PRELID2: variants seen among roughly 807,000 people sequenced by gnomAD.
PRELID2 encodes PRELI domain containing 2.
PRELID2 carries 25 observed loss-of-function variants against 28.4 expected under a neutral mutation model. That is an observed-to-expected ratio of 0.88 (90% confidence interval 0.64 to 1.23). PRELID2 has a LOEUF of 1.23. Among genes scored for constraint, PRELID2 ranks in the 50% most tolerant of loss-of-function variants. The probability of loss-of-function intolerance (pLI) is 0.00; values close to 1 mark genes in which losing one functional copy is unlikely to be tolerated. For synonymous variants in PRELID2, 76 were observed against 71.6 expected, an observed-to-expected ratio of 1.06 and a Z score of -0.31; for missense variants, 201 against 214.4, an observed-to-expected ratio of 0.94 and a Z score of 0.39.
intron 1 of PRELID2, among the ~76,000 whole-genome samples, chr5:145,703,081 T>C (rs1215526527): frequency 6.6e-6 from 1 of 152,228 alleles, no homozygotes; most frequent in Non-Finnish European, 1.5e-5. Flanking sequence ...CACCATTTAC[T>C]GGTCTGTGCA....
At chr5:145,282,286 T>C in the PRELID2 span, among the ~76,000 whole-genome samples, 1 of 152,172 alleles carries the variant, frequency 6.6e-6, no homozygotes, top group Non-Finnish European at 1.5e-5. Context: ...CTCCAGGGTT[T>C]GCTTACTGTA....
chr5:145,652,188 A>G (rs1202280201), intron 1 of PRELID2, among the ~76,000 whole-genome samples: 1 of 152,176 alleles, frequency 6.6e-6, no homozygotes, highest in African/African-American at 2.4e-5. Flanking sequence ...ATTAAGCAAG[A>G]AGAGAAGTTT....
the PRELID2 span, among the ~76,000 whole-genome samples, chr5:145,423,218 A>T: frequency 6.7e-6 from 1 of 150,288 alleles, no homozygotes; most frequent in Admixed American, 6.7e-5. Context: ...TGTGTCTTGG[A>T]GTTGCTCTTC....
At chr5:145,687,005 A>G (rs897272963) in intron 1 of PRELID2, among the ~76,000 whole-genome samples, 1 of 152,192 alleles carries the variant, frequency 6.6e-6, no homozygotes, top group African/African-American at 2.4e-5. Context: ...ACAAATTGTC[A>G]TCTAGAGAGA....
At chr5:145,286,716 G>GTTTTTTTTTTTTTTT in the PRELID2 span, among the ~76,000 whole-genome samples, 1 of 63,072 alleles carries the variant, frequency 1.6e-5, no homozygotes, top group African/African-American at 7.7e-5. Context: ...TTTTTTGTTT[G>GTTTTTTTTTTTTTTT]TTTGTTTGTT....
intron 1 of PRELID2, among the ~76,000 whole-genome samples, chr5:145,548,516 C>G (rs944019620): frequency 6.6e-6 from 1 of 152,142 alleles, no homozygotes; most frequent in Admixed American, 6.5e-5. Flanking sequence ...CTCATTGCCC[C>G]CAGTTTCAAC....
chr5:145,342,590 A>T, the PRELID2 span, among the ~76,000 whole-genome samples: 23 of 152,212 alleles, frequency 1.5e-4, no homozygotes, highest in Admixed American at 1.4e-3. Context: ...ATGCTGCTTG[A>T]TATCTCACCA....
chr5:145,459,885 C>A, the PRELID2 span, among the ~76,000 whole-genome samples: 1 of 151,268 alleles, frequency 6.6e-6, no homozygotes, highest in Non-Finnish European at 1.5e-5. Context: ...TCTTGGCTCA[C>A]CACAACCTCC....
chr5:145,780,769 T>C (rs7725181), intron 5 of PRELID2, among the ~76,000 whole-genome samples: 15,034 of 152,084 alleles, frequency 0.099, 1,923 homozygotes, highest in African/African-American at 0.3. Context: ...AGCTACACTC[T>C]ACTAAAAGCC....
chr5:145,500,417 G>A (rs1349604368), intron 1 of PRELID2, among the ~76,000 whole-genome samples: 11 of 147,998 alleles, frequency 7.4e-5, no homozygotes, highest in Non-Finnish European at 1.5e-4. Flanking sequence ...CCTGTAGAAA[G>A]TGAGCCAATT....
intron 1 of PRELID2, among the ~76,000 whole-genome samples, chr5:145,651,369 C>T (rs1450432512): frequency 2.0e-5 from 3 of 152,090 alleles, no homozygotes; most frequent in Non-Finnish European, 4.4e-5. Context: ...GAAACCTCTG[C>T]AGACTTCAAT....
At chr5:145,237,327 C>A in the PRELID2 span, among the ~76,000 whole-genome samples, 13 of 152,066 alleles carry the variant, frequency 8.5e-5, no homozygotes, top group Non-Finnish European at 1.5e-4. Context: ...ATTTCATTGC[C>A]AGCCAAACAG....
chr5:145,483,307 A>G (rs571717317), intron 1 of PRELID2, among the ~76,000 whole-genome samples: 12 of 152,284 alleles, frequency 7.9e-5, no homozygotes, highest in African/African-American at 2.9e-4. Context: ...TACATTACAA[A>G]TAGCATGTTT....
chr5:145,653,312 C>A (rs1014330042), intron 1 of PRELID2, among the ~76,000 whole-genome samples: 2 of 152,168 alleles, frequency 1.3e-5, no homozygotes, highest in Non-Finnish European at 2.9e-5. Flanking sequence ...GAGACTTTAA[C>A]ACCCCACTGT....
At chr5:145,468,738 A>G (rs1298392440), downstream of PRELID2, among the ~76,000 whole-genome samples, 1 of 152,082 alleles carries the variant, frequency 6.6e-6, no homozygotes, top group Non-Finnish European at 1.5e-5. Context: ...GGCTGTTCAT[A>G]TCCTTTGCCC....
At chr5:145,302,374 G>C in the PRELID2 span, among the ~76,000 whole-genome samples, 1 of 152,094 alleles carries the variant, frequency 6.6e-6, no homozygotes, top group African/African-American at 2.4e-5. Context: ...CTGACCTCAA[G>C]TGATCTGCCC....
At chr5:145,600,432 A>ATATATAT (rs1339137784) in intron 1 of PRELID2, among the ~76,000 whole-genome samples, 9 of 127,600 alleles carry the variant, frequency 7.1e-5, no homozygotes, top group African/African-American at 2.5e-4. Flanking sequence ...AAAAAAAAAA[A>ATATATAT]AAATATATAT....
chr5:145,310,308 G>C, the PRELID2 span, among the ~76,000 whole-genome samples: 1 of 152,170 alleles, frequency 6.6e-6, no homozygotes, highest in Non-Finnish European at 1.5e-5. Context: ...ATCTTAGTCT[G>C]CTAGACATTT....
At chr5:145,773,776 T>C (rs1056158615) in intron 5 of PRELID2, among the ~76,000 whole-genome samples, 4 of 152,274 alleles carry the variant, frequency 2.6e-5, no homozygotes, top group African/African-American at 9.6e-5. Flanking sequence ...AGCTCAGTCA[T>C]AATTTTCCCT....
Sources: allele counts gnomAD v4.1 joint callset (sites outside exome capture counted in the v4.1 genomes callset), GRCh38; gene constraint gnomAD v4.1.1; transcripts MANE v1.5; gene names NCBI Gene and HGNC (gene_info 2026-07-23, HGNC 2026-07-21).